PRKN: variants seen among roughly 807,000 people sequenced by gnomAD.
PRKN encodes E3 ubiquitin-protein ligase parkin.
A neutral mutation model predicts 59.5 loss-of-function variants in PRKN; 56 were observed. That is an observed-to-expected ratio of 0.94 (90% confidence interval 0.76 to 1.18). The LOEUF (loss-of-function observed/expected upper bound fraction) is 1.18, where lower values mean the gene tolerates loss of function less well. Ranked by LOEUF, PRKN falls within the 50% of genes most tolerant of loss-of-function variation. The pLI is 0.00. For synonymous variants in PRKN, 250 were observed against 222.1 expected (o/e 1.13, Z -1.12); for missense variants, 657 against 596.4 (o/e 1.10, Z -1.06).
intron 7 of PRKN, among the ~76,000 whole-genome samples, chr6:161,777,060 T>A (rs1376738301): frequency 6.6e-6 from 1 of 152,190 alleles, no homozygotes. Context: ...CATAACTCTC[T>A]GGCTTTGTAC....
chr6:161,770,167 A>C (rs1054832305), intron 7 of PRKN, among the ~76,000 whole-genome samples: 2 of 152,152 alleles, frequency 1.3e-5, no homozygotes, highest in Admixed American at 6.5e-5. Context: ...ACTGCGTTGA[A>C]GCTCAGGAAA....
intron 2 of PRKN, among the ~76,000 whole-genome samples, chr6:162,383,431 G>T (rs1786605204): frequency 6.6e-6 from 1 of 152,148 alleles, no homozygotes; most frequent in Non-Finnish European, 1.5e-5. Context: ...GAGTGGTAAT[G>T]TTCTGAAGAG....
At chr6:161,867,756 T>TATTTATTCATTC (rs1291557240) in intron 6 of PRKN, among the ~76,000 whole-genome samples, 11 of 149,392 alleles carry the variant, frequency 7.4e-5, no homozygotes, top group African/African-American at 2.5e-4. Context: ...TTTATTTATT[T>TATTTATTCATTC]ATTTATTTAT....
At chr6:162,232,960 G>T (rs1778485804) in intron 3 of PRKN, among the ~76,000 whole-genome samples, 1 of 152,030 alleles carries the variant, frequency 6.6e-6, no homozygotes, top group Non-Finnish European at 1.5e-5. Flanking sequence ...AAATAATTGA[G>T]TAAAAGAGGA....
rs1339522864 is a variant in PRKN, at chr6:161,461,039, G to C, written c.1084-74162C>G. 6.6e-6 allele frequency among the ~76,000 whole-genome samples: 1 copy of C among 151,946 alleles called. No individual in the cohort carries two copies. The highest frequency in any genetic ancestry group is 1.5e-5 in the Non-Finnish European group (1 of 68,020). On this transcript the variant is annotated intron_variant, in intron 9 of 11. Transcript: ENST00000366898. The surrounding 1 kb of genome is among the most constrained non-coding windows in gnomAD (Gnocchi z 5.1). ...CCCAAAGTACTGGGACTACAGGTGT[G>C]AGCCACCATGCCCGGTCCAAGAGTC...
At chr6:161,835,315 G>T (rs1052984083) in intron 6 of PRKN, among the ~76,000 whole-genome samples, 8 of 152,078 alleles carry the variant, frequency 5.3e-5, no homozygotes, top group African/African-American at 1.7e-4. Flanking sequence ...AGGAAGGGGG[G>T]CTTCCTGGGG....
chr6:162,607,957 T>C (rs1426597201), intron 1 of PRKN, among the ~76,000 whole-genome samples: 1 of 152,198 alleles, frequency 6.6e-6, no homozygotes, highest in Non-Finnish European at 1.5e-5. Flanking sequence ...TGCTGAGAGC[T>C]CATTTGAAGC....
intron 4 of PRKN, among the ~76,000 whole-genome samples, chr6:162,055,456 T>G (rs564595810): frequency 3.3e-5 from 5 of 152,050 alleles, no homozygotes; most frequent in Admixed American, 2.6e-4. Flanking sequence ...GGGCTCAGGG[T>G]TCAGGAAATG....
In PRKN at chr6:161,547,376, G is replaced by A. The variant is rs1365420214; in HGVS notation, c.1083+1478C>T. Among the ~76,000 whole-genome samples the A allele has an allele frequency of 6.6e-6, 1 of 152,100 alleles. No homozygotes were observed. The highest frequency in any genetic ancestry group is 2.4e-5 in the African/African-American group (1 of 41,414). ...TTGTCATGATTTGCAGCTTAAGTAT[G>A]TATGTTATTTACTTATAATTTACTT... is the stretch of plus-strand genomic sequence containing the variant. On this transcript the variant is annotated intron_variant, in intron 9 of 11. Coordinates refer to ENST00000366898, the MANE Select transcript of PRKN (RefSeq NM_004562.3). The surrounding 1 kb of genome is among the most constrained non-coding windows in gnomAD (Gnocchi z 4.0).
chr6:162,427,617 A>G (rs888209138), intron 2 of PRKN, among the ~76,000 whole-genome samples: 1 of 151,610 alleles, frequency 6.6e-6, no homozygotes, highest in South Asian at 2.1e-4. Context: ...GCAGTATTCC[A>G]TATTACTTAT....
intron 3 of PRKN, among the ~76,000 whole-genome samples, chr6:162,246,269 T>A (rs1243999810): frequency 1.3e-5 from 2 of 151,804 alleles, no homozygotes; most frequent in African/African-American, 2.4e-5. Context: ...GAAGAGGAAA[T>A]TTACACACCA....
intron 3 of PRKN, among the ~76,000 whole-genome samples, chr6:162,212,043 A>G (rs1785221429): frequency 2.0e-5 from 3 of 152,170 alleles, no homozygotes; most frequent in African/African-American, 7.2e-5. Flanking sequence ...TCTGCACTGG[A>G]ATAACTCCAG....
At chr6:162,701,291 G>A (rs576525072) in intron 1 of PRKN, among the ~76,000 whole-genome samples, 3 of 152,218 alleles carry the variant, frequency 2.0e-5, no homozygotes, top group South Asian at 2.1e-4. Flanking sequence ...ATAATGTAAC[G>A]AGGGACTTCT....
chr6:162,283,271 T>C (rs1484269885), intron 2 of PRKN, among the ~76,000 whole-genome samples: 1 of 152,240 alleles, frequency 6.6e-6, no homozygotes, highest in Non-Finnish European at 1.5e-5. Context: ...TTATTATCTT[T>C]ATGCCAATAA....
At chr6:162,324,087 T>C (rs964613763) in intron 2 of PRKN, among the ~76,000 whole-genome samples, 12 of 152,032 alleles carry the variant, frequency 7.9e-5, no homozygotes, top group Non-Finnish European at 1.5e-5. Context: ...CCACAGTGTT[T>C]ACCCACTTAC....
intron 1 of PRKN, chr6:162,624,355 C>T (rs1485171468): frequency 6.6e-6 from 1 of 151,954 alleles, no homozygotes; most frequent in East Asian, 1.9e-4. Flanking sequence ...ATACATTTTT[C>T]ATGAATATTT....
intron 2 of PRKN, among the ~76,000 whole-genome samples, chr6:162,347,105 ATTTAT>A (rs1784436047): frequency 3.3e-5 from 5 of 150,290 alleles, no homozygotes; most frequent in African/African-American, 2.4e-5. Context: ...TATTTATTAT[ATTTAT>A]TTTATTTTTT....
chr6:161,821,094 T>G (rs1354814843), intron 6 of PRKN, among the ~76,000 whole-genome samples: 1 of 152,064 alleles, frequency 6.6e-6, no homozygotes, highest in Non-Finnish European at 1.5e-5. Context: ...GTATTATATG[T>G]TTTCATTAAA....
intron 7 of PRKN, among the ~76,000 whole-genome samples, chr6:161,572,054 G>A (rs1331060098): frequency 6.6e-6 from 1 of 152,102 alleles, no homozygotes; most frequent in East Asian, 1.9e-4. Context: ...ATGGCAGATT[G>A]CAGGACTGCT....
Sources: gnomAD v4.1 joint callset for allele counts (sites outside exome capture counted in the v4.1 genomes callset) on GRCh38, gnomAD v4.1.1 for gene constraint, Gnocchi (gnomAD v3.1) non-coding constraint, MANE v1.5 for transcripts, NCBI Gene and HGNC (gene_info 2026-07-23, HGNC 2026-07-21) for gene names.